REV1: variants seen among roughly 807,000 people sequenced by gnomAD.
REV1 encodes the protein translesion synthesis protein REV1.
Under a neutral mutation model 137.4 loss-of-function variants are expected in REV1, and 42 were observed. That is an observed-to-expected ratio of 0.31 (90% confidence interval 0.24 to 0.40). The LOEUF (loss-of-function observed/expected upper bound fraction) is 0.40. REV1 is among the 10% of genes least tolerant of loss of function. The pLI is 1.00. For synonymous variants in REV1, 524 were observed against 519.2 expected (o/e 1.01, Z -0.12); for missense variants, 1,282 against 1,490.1 (o/e 0.86, Z 2.30).
intron 15 of REV1, 92 bp from the exon 16 acceptor site, chr2:99,406,582 A>G: frequency 1.0e-6 from 1 of 962,406 alleles, no homozygotes; most frequent in Non-Finnish European, 1.5e-6. Context: ...CCTTTTCACT[A>G]TCTCCTGGAT....
chr2:99,453,339 C>A (rs1391440335), intron 3 of REV1, among the ~76,000 whole-genome samples: 2 of 142,234 alleles, frequency 1.4e-5, no homozygotes, highest in African/African-American at 5.3e-5. Context: ...AGCCTGGCAA[C>A]AGAGCAAGAC....
At chr2:99,419,205 ATTT>A (rs774732084) in intron 11 of REV1, among the ~76,000 whole-genome samples, 19,443 of 116,086 alleles carry the variant, frequency 0.17, 1,909 homozygotes, top group African/African-American at 0.33. Flanking sequence ...AGCAGTCCTG[ATTT>A]TTTTTTTTTT....
Position 99,416,174 on chromosome 2 carries a change from C to G in REV1, c.1951+2654G>C, listed in dbSNP as rs74554193. Among the ~76,000 whole-genome samples the G allele has an allele frequency of 3.3e-3, 497 of 152,336 alleles. 4 individuals carry two copies. The highest frequency in any genetic ancestry group is 0.011 in the African/African-American group (465 of 41,570). ...TTTCTCCTGGTTATGGTTAGAGAGC[C>G]AAGTTCCTCCAAAGCGTGTTCCACA... On this transcript the variant is annotated intron_variant, in intron 12 of 22. Transcript: ENST00000258428.
intron 15 of REV1, 77 bp from the exon 16 acceptor site, chr2:99,406,567 C>G: frequency 8.2e-7 from 1 of 1,215,152 alleles, no homozygotes; most frequent in Non-Finnish European, 1.1e-6. Context: ...AAATCCTCAG[C>G]AAATCCTTTT....
At chr2:99,445,169 T>A (rs558794096) in intron 4 of REV1, among the ~76,000 whole-genome samples, 1 of 150,728 alleles carries the variant, frequency 6.6e-6, no homozygotes, top group Non-Finnish European at 1.5e-5. Flanking sequence ...AAAAAACTCA[T>A]GAGAGATAAA....
At position 99,402,234 on chromosome 2, in the gene REV1, G is replaced by T; in HGVS notation, c.3644+10C>A. ...TTTTTTCCCATTTGATAAAAGTGAT[G>T]AATTACTACCTTTTCATGTATTTTA... On this transcript the variant is annotated intron_variant, in intron 22 of 22. Transcript: ENST00000258428. 8.9e-7 allele frequency: 1 copy of T among 1,119,056 alleles called. No homozygotes were observed. The highest frequency in any genetic ancestry group is 1.3e-6 in the Non-Finnish European group (1 of 763,980). The allele number at this position is 1,119,056 out of a possible 1,614,324, so 69.3% of individuals were successfully genotyped here. A position where few individuals can be genotyped will look rare whatever the true frequency, so the allele number is the denominator to read the frequency against.
intron 10 of REV1, 136 bp from the exon 11 acceptor site, chr2:99,421,789 C>T (rs1349275445): frequency 1.1e-6 from 1 of 912,120 alleles, no homozygotes; most frequent in African/African-American, 1.7e-5. Flanking sequence ...GCTGAAGTAC[C>T]ATTTTAGTCA....
At position 99,402,972 on chromosome 2, in the gene REV1, T is replaced by C; in HGVS notation, c.3301A>G (p.Thr1101Ala). Residue 1101 changes from threonine to alanine, a missense_variant, in exon 20 of 23, where the codon ACT becomes GCT. Physicochemically the swap from Thr to Ala is moderately conservative, Grantham distance 58. This residue lies in a region of REV1 where 170 missense variants were observed against 156.8 expected (regional missense o/e 1.08). Transcript: ENST00000258428. ...NNKLLNSPAK[T>A]LPGACGSPQK... The stretch of plus-strand genomic sequence containing the variant: ...GGACTGCCACAGGCCCCTGGCAGAG[T>C]TTTTGCAGGACTGTTAAGCAGCTTG... The C allele has an allele frequency of 6.2e-7, 1 of 1,613,838 alleles. No individual in the cohort carries two copies. Among genetic ancestry groups the C allele is most frequent in the Non-Finnish European group, 8.5e-7 (1 of 1,179,932 alleles).
chr2:99,471,021 A>G (rs1275338886), intron 1 of REV1, among the ~76,000 whole-genome samples: 2 of 152,246 alleles, frequency 1.3e-5, no homozygotes, highest in Non-Finnish European at 1.5e-5. Context: ...ACAAATTGAC[A>G]TGCAAAGAAT....
At chr2:99,448,029 A>G (rs1559366451) in intron 4 of REV1, among the ~76,000 whole-genome samples, 1 of 152,312 alleles carries the variant, frequency 6.6e-6, no homozygotes, top group East Asian at 1.9e-4. Context: ...ACCAGGTTAT[A>G]TGGATACTGA....
chr2:99,469,687 A>G (rs1685188098), intron 1 of REV1, among the ~76,000 whole-genome samples: 1 of 152,152 alleles, frequency 6.6e-6, no homozygotes, highest in Admixed American at 6.5e-5. Context: ...TAAAAATATA[A>G]CAAGACTACT....
chr2:99,444,990 C>T (rs1682003915), intron 4 of REV1, among the ~76,000 whole-genome samples: 1 of 152,036 alleles, frequency 6.6e-6, no homozygotes, highest in African/African-American at 2.4e-5. Flanking sequence ...TTTTCATGTA[C>T]ATTGAAACTA....
At chr2:99,481,963 T>A (rs1166791520) in intron 1 of REV1, among the ~76,000 whole-genome samples, 1 of 152,190 alleles carries the variant, frequency 6.6e-6, no homozygotes, top group African/African-American at 2.4e-5. Context: ...CATGAATCCA[T>A]AATGGGTCCT....
intron 1 of REV1, among the ~76,000 whole-genome samples, chr2:99,470,787 G>A (rs908541982): frequency 6.6e-6 from 1 of 152,164 alleles, no homozygotes; most frequent in South Asian, 2.1e-4. Flanking sequence ...CAGGGTGGAC[G>A]CATCAGGTTA....
intron 9 of REV1, among the ~76,000 whole-genome samples, chr2:99,428,938 G>A (rs1257560652): frequency 1.4e-5 from 2 of 147,626 alleles, no homozygotes; most frequent in African/African-American, 5.0e-5. Flanking sequence ...CTTGCAGTGA[G>A]CCAAGATGGT....
Position 99,446,564 on chromosome 2 carries a change from G to A in REV1, c.350+2772C>T, listed in dbSNP as rs1054281235. ...GGCTGGAGTGTACTGGCGTGATCTC[G>A]GCTCACTGCAACCTCCACCTCCCAG... On this transcript the variant is annotated intron_variant, in intron 4 of 22. Transcript: ENST00000258428. 2.0e-5 allele frequency among the ~76,000 whole-genome samples: 3 copies of A among 151,760 alleles called. 1 individual carries two copies. Among genetic ancestry groups the A allele is most frequent in the Middle Eastern group, 6.8e-3 (2 of 294 alleles).
chr2:99,489,090 A>G (rs375199587), intron 1 of REV1, among the ~76,000 whole-genome samples: 40 of 152,342 alleles, frequency 2.6e-4, no homozygotes, highest in African/African-American at 9.4e-4. Context: ...AGCGAAACAC[A>G]GCGCGGCTCG....
intron 1 of REV1, among the ~76,000 whole-genome samples, chr2:99,482,092 C>A (rs1214052719): frequency 2.6e-5 from 4 of 152,168 alleles, no homozygotes; most frequent in Non-Finnish European, 5.9e-5. Flanking sequence ...GGGCTTTGAG[C>A]AACCTGACAT....
intron 5 of REV1, 132 bp from the exon 6 acceptor site, chr2:99,439,442 A>G: frequency 3.7e-6 from 2 of 543,184 alleles, no homozygotes; most frequent in Non-Finnish European, 6.3e-6. Flanking sequence ...TCTTATATTG[A>G]ATATTGACAA....
Sources: gnomAD v4.1 joint callset for allele counts (sites outside exome capture counted in the v4.1 genomes callset) on GRCh38, gnomAD v4.1.1 for gene constraint, gnomAD v4.1.1 regional missense constraint, MANE v1.5 for transcripts, NCBI Gene and HGNC (gene_info 2026-07-23, HGNC 2026-07-21) for gene names.